The following RNGTT variants were observed in gnomAD, a reference collection of about 807,000 sequenced individuals.
The protein encoded by RNGTT is mRNA-capping enzyme.
A neutral mutation model predicts 79.3 loss-of-function variants in RNGTT; 33 were observed. The observed-to-expected ratio is 0.42, with a 90% CI of 0.32 to 0.56. The LOEUF (loss-of-function observed/expected upper bound fraction) is 0.56. Among genes scored for constraint, RNGTT ranks in the 20% least tolerant of loss-of-function variants. The pLI is 0.17. For missense variants in RNGTT, 497 were observed against 739.1 expected, an observed-to-expected ratio of 0.67 and a Z score of 3.80; for synonymous variants, 222 against 235.9, an observed-to-expected ratio of 0.94 and a Z score of 0.54.
chr6:88,645,078 T>C (rs374635244), intron 14 of RNGTT, among the ~76,000 whole-genome samples: 1 of 152,182 alleles, frequency 6.6e-6, no homozygotes, highest in South Asian at 2.1e-4. Context: ...TGTTTGCAGA[T>C]GACATGATTG....
chr6:88,787,109 C>G (rs1416519437), intron 12 of RNGTT, among the ~76,000 whole-genome samples: 1 of 152,002 alleles, frequency 6.6e-6, no homozygotes, highest in Non-Finnish European at 1.5e-5. Flanking sequence ...TACAGCACCC[C>G]AAACTGACTA....
At chr6:88,809,469 C>G (rs1391887240) in intron 11 of RNGTT, among the ~76,000 whole-genome samples, 1 of 152,016 alleles carries the variant, frequency 6.6e-6, no homozygotes, top group South Asian at 2.1e-4. Flanking sequence ...ATACTCCACC[C>G]AAACCAGGAA....
At chr6:88,718,055 A>G (rs549545595) in intron 13 of RNGTT, among the ~76,000 whole-genome samples, 1 of 152,264 alleles carries the variant, frequency 6.6e-6, no homozygotes, top group East Asian at 1.9e-4. Context: ...GCAAGAATAG[A>G]GTGTATTACA....
chr6:88,866,161 T>A (rs1782157611), intron 8 of RNGTT, among the ~76,000 whole-genome samples: 1 of 152,186 alleles, frequency 6.6e-6, no homozygotes, highest in Non-Finnish European at 1.5e-5. Flanking sequence ...AAGGGCAACA[T>A]GCATCTCATT....
At chr6:88,680,339 A>G (rs1317943729) in intron 13 of RNGTT, among the ~76,000 whole-genome samples, 1 of 152,154 alleles carries the variant, frequency 6.6e-6, no homozygotes, top group African/African-American at 2.4e-5. Flanking sequence ...ATTACCCTTC[A>G]TTGACATGGT....
At chr6:88,950,100 A>G (rs1052183740) in intron 1 of RNGTT, among the ~76,000 whole-genome samples, 3 of 152,234 alleles carry the variant, frequency 2.0e-5, no homozygotes, top group Admixed American at 6.5e-5. Flanking sequence ...TCTGTGCTCT[A>G]TCAACGAACA....
At chr6:88,865,135 T>C (rs1782126946) in intron 8 of RNGTT, among the ~76,000 whole-genome samples, 1 of 152,072 alleles carries the variant, frequency 6.6e-6, no homozygotes, top group South Asian at 2.1e-4. Flanking sequence ...AAGAATTAAA[T>C]GAGTTAATAT....
intron 13 of RNGTT, among the ~76,000 whole-genome samples, chr6:88,690,448 T>C (rs1009187671): frequency 2.0e-5 from 3 of 152,000 alleles, no homozygotes; most frequent in Non-Finnish European, 4.4e-5. Context: ...GGCTCACACC[T>C]ATAATCCTAG....
intron 11 of RNGTT, among the ~76,000 whole-genome samples, chr6:88,807,387 C>T (rs972566603): frequency 1.3e-5 from 2 of 151,856 alleles, no homozygotes; most frequent in African/African-American, 4.8e-5. Context: ...GAAATAAAAA[C>T]ACACAACATC....
intron 11 of RNGTT, among the ~76,000 whole-genome samples, chr6:88,828,509 T>A (rs528788983): frequency 1.3e-3 from 194 of 152,146 alleles, no homozygotes; most frequent in African/African-American, 4.4e-3. Context: ...CAACTCCTCA[T>A]CAGCAAGGGA....
chr6:88,720,946 T>C (rs1032985971), intron 13 of RNGTT, among the ~76,000 whole-genome samples: 1 of 152,076 alleles, frequency 6.6e-6, no homozygotes, highest in African/African-American at 2.4e-5. Flanking sequence ...TAGTTCAAAC[T>C]TTGGATGGTA....
intron 14 of RNGTT, among the ~76,000 whole-genome samples, chr6:88,650,928 T>C (rs1007411029): frequency 6.6e-6 from 1 of 152,114 alleles, no homozygotes; most frequent in Admixed American, 6.5e-5. Context: ...CATAGTGATA[T>C]CAGATAATAT....
intron 14 of RNGTT, among the ~76,000 whole-genome samples, chr6:88,614,715 CTG>C (rs1238610094): frequency 1.3e-5 from 2 of 152,194 alleles, no homozygotes; most frequent in African/African-American, 4.8e-5. Context: ...TCAATATTGT[CTG>C]TGTCTCTACG....
At chr6:88,700,318 T>C (rs1218233543) in intron 13 of RNGTT, among the ~76,000 whole-genome samples, 1 of 152,194 alleles carries the variant, frequency 6.6e-6, no homozygotes, top group African/African-American at 2.4e-5. Context: ...CTTTCATTTC[T>C]AATTGAATGG....
At chr6:88,678,294 T>G in intron 14 of RNGTT, 59 bp downstream of exon 14, 1 of 1,571,110 alleles carries the variant, frequency 6.4e-7, no homozygotes, top group Non-Finnish European at 8.6e-7. Context: ...AGCAAGGTTT[T>G]GATGGATTCT....
chr6:88,840,332 A>AACAATAAT (rs1309513849), intron 11 of RNGTT, among the ~76,000 whole-genome samples: 4 of 152,220 alleles, frequency 2.6e-5, no homozygotes, highest in African/African-American at 9.6e-5. Context: ...AAGGACAAAA[A>AACAATAAT]ACAATAATAA....
At chr6:88,854,147 C>A (rs149949575) in intron 8 of RNGTT, among the ~76,000 whole-genome samples, 2 of 151,804 alleles carry the variant, frequency 1.3e-5, no homozygotes, top group African/African-American at 4.8e-5. Context: ...CTATGTTGGT[C>A]GCGAACTCCT....
intron 14 of RNGTT, among the ~76,000 whole-genome samples, chr6:88,636,334 A>G (rs1423904053): frequency 4.6e-5 from 7 of 152,034 alleles, no homozygotes; most frequent in African/African-American, 1.7e-4. Flanking sequence ...GAGTAATTCC[A>G]ATTTATTTTT....
chr6:88,682,824 A>G (rs1775140374), intron 13 of RNGTT, among the ~76,000 whole-genome samples: 1 of 152,226 alleles, frequency 6.6e-6, no homozygotes, highest in Non-Finnish European at 1.5e-5. Flanking sequence ...CTAGAAATCA[A>G]TAACATATAA....
Sources: allele counts gnomAD v4.1 joint callset (sites outside exome capture counted in the v4.1 genomes callset), GRCh38; gene constraint gnomAD v4.1.1; transcripts MANE v1.5; gene names NCBI Gene and HGNC (gene_info 2026-07-23, HGNC 2026-07-21).